GTF3C3: variants seen among roughly 807,000 people sequenced by gnomAD.
GTF3C3 encodes the protein general transcription factor IIIC subunit 3.
A neutral mutation model predicts 105.2 loss-of-function variants in GTF3C3; 75 were observed. That is an observed-to-expected ratio of 0.71 (90% CI 0.59 to 0.86). The LOEUF (loss-of-function observed/expected upper bound fraction) is 0.86. GTF3C3 is among the 40% of genes least tolerant of loss of function. The pLI, the probability that GTF3C3 is intolerant of heterozygous loss-of-function variation, is 0.00. For synonymous variants in GTF3C3, 335 were observed against 370.4 expected, an observed-to-expected ratio of 0.90 and a Z score of 1.10; for missense variants, 856 against 1,076.5, an observed-to-expected ratio of 0.80 and a Z score of 2.87.
chr2:196,780,732 T>G lies in GTF3C3; in HGVS notation c.1115-70A>C, dbSNP rs538178076. 1.2e-5 allele frequency: 18 copies of G among 1,515,126 alleles called. No homozygotes were observed. The South Asian group carries it at 2.2e-4, about 19-fold the overall frequency. 93.9% of individuals were successfully genotyped at this position (1,515,126 alleles called of 1,614,324 possible). A position where few individuals can be genotyped will look rare whatever the true frequency, so the allele number is the denominator to read the frequency against. On this transcript the variant is annotated intron_variant, in intron 8 of 17. Coordinates refer to ENST00000263956, the MANE Select transcript of GTF3C3 (RefSeq NM_012086.5). ...AGATGTGTATCTTCTATGTAAGATC[T>G]CATTTATTTCATTCAAAGCAAATGA...
intron 9 of GTF3C3, among the ~76,000 whole-genome samples, chr2:196,779,586 ATC>A (rs1248549514): frequency 2.6e-5 from 4 of 152,330 alleles, no homozygotes; most frequent in African/African-American, 9.6e-5. Context: ...GACACAGCTC[ATC>A]TGTTTTGCTC....
intron 6 of GTF3C3, among the ~76,000 whole-genome samples, chr2:196,787,016 C>A (rs1336268412): frequency 6.6e-6 from 1 of 152,078 alleles, no homozygotes; most frequent in Non-Finnish European, 1.5e-5. Context: ...TTCTTTTAGT[C>A]TCCCAGCTGT....
chr2:196,784,709 T>G, intron 8 of GTF3C3, 148 bp downstream of exon 8: 1 of 1,017,430 alleles, frequency 9.8e-7, no homozygotes, highest in Non-Finnish European at 1.3e-6. Context: ...ATATGAAATC[T>G]CTGAGAAAAA....
At chr2:196,793,630 CA>C (rs1385210688) in intron 2 of GTF3C3, among the ~76,000 whole-genome samples, 3 of 151,676 alleles carry the variant, frequency 2.0e-5, no homozygotes, top group Non-Finnish European at 4.4e-5. Context: ...TTTCTTTTTG[CA>C]AAAAGGGTTA....
In GTF3C3 at chr2:196,776,698, C is replaced by A. The variant is rs539004034; in HGVS notation, c.1391-69G>T. 1.9e-6 allele frequency: 2 copies of A among 1,071,442 alleles called. No individual in the cohort carries two copies. Among genetic ancestry groups the A allele is most frequent in the Admixed American group, 2.1e-5 (1 of 46,872 alleles). 66.4% of individuals were successfully genotyped at this position (1,071,442 alleles called of 1,614,324 possible). On this transcript the variant is annotated intron_variant, in intron 10 of 17. Transcript: ENST00000263956. The surrounding 1 kb of genome is among the most constrained non-coding windows in gnomAD (Gnocchi z 4.5). ...TGTAAACTGGCCACAATTACTCTTCCATTTTAAAAGAAATATAGCAATATA... is the reference window on the plus strand; with the variant it reads ...TGTAAACTGGCCACAATTACTCTTCAATTTTAAAAGAAATATAGCAATATA...
chr2:196,791,496 T>G (rs763170949), intron 3 of GTF3C3, 36 bp from the exon 4 acceptor site: 3 of 1,555,752 alleles, frequency 1.9e-6, no homozygotes, highest in East Asian at 4.5e-5. Flanking sequence ...GATTAAAATA[T>G]AGTGAAGTCT....
Position 196,776,454 on chromosome 2 carries a change from T to C in GTF3C3, c.1566A>G (p.Leu522=), listed in dbSNP as rs755077398. 6 of 1,614,100 alleles carry C rather than the reference T, an allele frequency of 3.7e-6. No homozygotes were observed. The South Asian group carries it at 4.4e-5, about 12-fold the overall frequency. The change falls in exon 11 of 18, where the codon TTA becomes TTG. Residue 522 remains leucine (L), a synonymous_variant. Transcript: ENST00000263956. This position sits in a 1 kb window ranked among gnomAD's most constrained non-coding sequence, Gnocchi z 4.5. ...ALEPMYDPDT[L]AQDANAAQQE... ...GCTGTGCAGCATTTGCATCCTGTGC[T>C]AAAGTATCTGGATCATACATTGGTT...
At position 196,763,623 on chromosome 2, in the gene GTF3C3, T is replaced by A. The variant is rs1241692363; in HGVS notation, c.*940A>T. 1 of 152,190 alleles carries A rather than the reference T, an allele frequency of 6.6e-6. No homozygotes were observed. The highest frequency in any genetic ancestry group is 2.4e-5 in the African/African-American group (1 of 41,456). The allele number at this position is 152,190 out of a possible 1,614,324, so 9.4% of individuals were successfully genotyped here. Reference sequence around the variant, plus strand: ...TATTTCTTTGATCCTAAGCCTCTACTTGTTTCCCTCCCACAATTGGGCTGG... The same window carrying A: ...TATTTCTTTGATCCTAAGCCTCTACATGTTTCCCTCCCACAATTGGGCTGG... On this transcript the variant is annotated 3_prime_UTR_variant, in exon 18 of 18. Coordinates refer to ENST00000263956, the MANE Select transcript of GTF3C3 (RefSeq NM_012086.5).
intron 8 of GTF3C3, among the ~76,000 whole-genome samples, chr2:196,781,352 AAAAAAATATATATATATATATAT>A (rs1359361629): frequency 3.4e-5 from 3 of 89,116 alleles, no homozygotes; most frequent in South Asian, 7.5e-4. Context: ...GAAAAAAAAA[AAAAAAATATATATATATATATAT>A]ATATATATAT....
At position 196,799,572 on chromosome 2, in the gene GTF3C3, C is replaced by T. The variant is rs1184314616; in HGVS notation, c.40G>A (p.Gly14Arg). The T allele has an allele frequency of 6.2e-6, 10 of 1,614,056 alleles. No individual in the cohort carries two copies. The highest frequency in any genetic ancestry group is 7.6e-6 in the Non-Finnish European group (9 of 1,179,998). ...FSPELIDYLEGKISFEEFERR... is the reference protein window; with the variant it reads ...FSPELIDYLERKISFEEFERR... ...TCGAACTCCTCAAAGGAGATTTTCC[C>T]TTCCAAGTAGTCGATGAGTTCCGGA... The change falls in exon 1 of 18, where the codon GGG (glycine) becomes AGG (arginine). Residue 14 changes from glycine (G) to arginine (R), a missense_variant. By Grantham distance (125) the Gly-to-Arg change is moderately radical. Transcript: ENST00000263956.
chr2:196,782,689 T>A (rs140802347), intron 8 of GTF3C3, among the ~76,000 whole-genome samples: 9 of 152,206 alleles, frequency 5.9e-5, no homozygotes, highest in African/African-American at 1.4e-4. Context: ...CAACTATATT[T>A]AAAAAGGTAA....
chr2:196,775,297 T>A, intron 12 of GTF3C3, 46 bp from the exon 13 acceptor site: 1 of 1,544,290 alleles, frequency 6.5e-7, no homozygotes, highest in East Asian at 2.3e-5. Flanking sequence ...AATAACTGTT[T>A]TGTTTAGAGA....
At chr2:196,797,545 G>A (rs1200658614) in intron 2 of GTF3C3, among the ~76,000 whole-genome samples, 1 of 152,170 alleles carries the variant, frequency 6.6e-6, no homozygotes, top group African/African-American at 2.4e-5. Context: ...ATCTTAAAAA[G>A]CTCCCAAACA....
In GTF3C3 at chr2:196,776,703, T is replaced by G. The variant is rs1699263892; in HGVS notation, c.1391-74A>C. The G allele has an allele frequency of 2.0e-6, 2 of 987,706 alleles. No homozygotes were observed. The highest frequency in any genetic ancestry group is 3.0e-5 in the South Asian group (2 of 66,892). The allele number at this position is 987,706 out of a possible 1,614,324, so 61.2% of individuals were successfully genotyped here. A position where few individuals can be genotyped will look rare whatever the true frequency, so the allele number is the denominator to read the frequency against. On this transcript the variant is annotated intron_variant, in intron 10 of 17. Transcript: ENST00000263956. The surrounding 1 kb of genome is among the most constrained non-coding windows in gnomAD (Gnocchi z 4.5). ...ACTGGCCACAATTACTCTTCCATTT[T>G]AAAAGAAATATAGCAATATAAAAAA...
rs1699504320 is a variant in GTF3C3, at chr2:196,789,189, T to G, written c.893+15A>C. The G allele has an allele frequency of 6.3e-7, 1 of 1,586,022 alleles. No homozygotes were observed. Among genetic ancestry groups the G allele is most frequent in the South Asian group, 1.2e-5 (1 of 86,640 alleles). On this transcript the variant is annotated intron_variant, in intron 6 of 17. Coordinates refer to ENST00000263956, the MANE Select transcript of GTF3C3 (RefSeq NM_012086.5). ...ATTAACAGGAGCAAGTAGATCTGTT[T>G]CACTCCAAACTTACTTTGCCATATC...
chr2:196,787,096 C>T (rs1384775531), intron 6 of GTF3C3, among the ~76,000 whole-genome samples: 1 of 152,026 alleles, frequency 6.6e-6, no homozygotes, highest in Non-Finnish European at 1.5e-5. Context: ...TGTCCACCTC[C>T]CCAACCCACC....
At position 196,773,060 on chromosome 2, in the gene GTF3C3, A is replaced by T; in HGVS notation, c.1925T>A (p.Phe642Tyr). The part of the protein sequence containing the change: ...AIYSLCDLSR[F>Y]QEAELLVDSS... ...ATCTACAAGCAACTCAGCCTCTTGA[A>T]ATCGGGATAGGTCACATAAGGAGTA... The change falls in exon 14 of 18, where the codon TTT becomes TAT. Residue 642 changes from phenylalanine to tyrosine, a missense_variant. By Grantham distance (22) the Phe-to-Tyr change is conservative. Transcript: ENST00000263956. The T allele has an allele frequency of 6.2e-7, 1 of 1,613,218 alleles. No homozygotes were observed. The highest frequency in any genetic ancestry group is 8.5e-7 in the Non-Finnish European group (1 of 1,179,200).
chr2:196,763,780 G>A lies in GTF3C3; in HGVS notation c.*783C>T, dbSNP rs890800214. 1.3e-5 allele frequency: 2 copies of A among 152,110 alleles called. No homozygotes were observed. Among genetic ancestry groups the A allele is most frequent in the African/African-American group, 4.8e-5 (2 of 41,416 alleles). The allele number at this position is 152,110 out of a possible 1,614,324, so 9.4% of individuals were successfully genotyped here. On this transcript the variant is annotated 3_prime_UTR_variant, in exon 18 of 18. Coordinates refer to ENST00000263956, the MANE Select transcript of GTF3C3 (RefSeq NM_012086.5). ...AGAACATATAATAAATAGTGGAGAT[G>A]AGTAAACAAACAAAAAAAAAGTTTT...
chr2:196,775,800 A>T lies in GTF3C3; in HGVS notation c.1695+210T>A, dbSNP rs79621989. Among the ~76,000 whole-genome samples, 1,159 of 152,342 alleles carry T rather than the reference A, an allele frequency of 7.6e-3. 15 individuals carry two copies. Among genetic ancestry groups the T allele is most frequent in the African/African-American group, 0.026 (1,088 of 41,580 alleles). ...GACCATGGTGCTCACTTTTCTAAATATGTACTAGGGAAGATTTTCACTTAA... is the reference window on the plus strand; with the variant it reads ...GACCATGGTGCTCACTTTTCTAAATTTGTACTAGGGAAGATTTTCACTTAA... On this transcript the variant is annotated intron_variant, in intron 12 of 17. Transcript: ENST00000263956.
Sources: gnomAD v4.1 joint callset for allele counts (sites outside exome capture counted in the v4.1 genomes callset) on GRCh38, gnomAD v4.1.1 for gene constraint, Gnocchi (gnomAD v3.1) non-coding constraint, MANE v1.5 for transcripts, NCBI Gene and HGNC (gene_info 2026-07-23, HGNC 2026-07-21) for gene names.